Variants in NYAP2 observed in about 807,000 individuals in gnomAD.
The protein encoded by NYAP2 is neuronal tyrosine-phosphorylated phosphoinositide-3-kinase adapter 2.
In NYAP2, 23 loss-of-function variants were observed where a neutral mutation model predicts 50.4. That is an observed-to-expected ratio of 0.46 (90% CI 0.33 to 0.65). The LOEUF (loss-of-function observed/expected upper bound fraction) is 0.65. NYAP2 is among the 30% of genes least tolerant of loss of function. The pLI is 0.02. For synonymous variants in NYAP2, 394 were observed against 365.2 expected (o/e 1.08, Z -0.90); for missense variants, 885 against 861.0 (o/e 1.03, Z -0.35).
intron 3 of NYAP2, among the ~76,000 whole-genome samples, chr2:225,492,478 A>G (rs1461752441): frequency 1.3e-5 from 2 of 152,202 alleles, no homozygotes; most frequent in East Asian, 3.9e-4. Flanking sequence ...TAAACTTGTC[A>G]CATAAGAAAT....
intron 4 of NYAP2, among the ~76,000 whole-genome samples, chr2:225,522,664 C>A (rs1691086093): frequency 6.6e-6 from 1 of 152,146 alleles, no homozygotes. Flanking sequence ...GGATCCAGCT[C>A]CAGCAACAGA....
At chr2:225,615,972 G>A (rs750847347) in intron 5 of NYAP2, among the ~76,000 whole-genome samples, 1 of 152,182 alleles carries the variant, frequency 6.6e-6, no homozygotes, top group Admixed American at 6.5e-5. Flanking sequence ...AAAGAAAAAG[G>A]CTTTTTCTTT....
At chr2:225,499,405 G>A (rs934802190) in intron 3 of NYAP2, among the ~76,000 whole-genome samples, 1 of 151,600 alleles carries the variant, frequency 6.6e-6, no homozygotes, top group African/African-American at 2.4e-5. Flanking sequence ...CTCTGCCTCC[G>A]GGGTTCACGC....
intron 5 of NYAP2, among the ~76,000 whole-genome samples, chr2:225,594,281 T>C (rs1208303592): frequency 1.3e-5 from 2 of 152,154 alleles, no homozygotes; most frequent in Non-Finnish European, 2.9e-5. Context: ...CCCAGCACTT[T>C]GGAAGGCTGA....
At chr2:225,473,804 T>C (rs1017146026) in intron 3 of NYAP2, among the ~76,000 whole-genome samples, 3 of 152,228 alleles carry the variant, frequency 2.0e-5, no homozygotes, top group Non-Finnish European at 4.4e-5. Flanking sequence ...GCAGAAGCTC[T>C]TTAGTTTAGT....
rs113576577 is a variant in NYAP2 at position 225,551,865 on chromosome 2, C to G, written c.524-30076C>G. 1.8e-3 allele frequency among the ~76,000 whole-genome samples: 277 copies of G among 152,164 alleles called. 1 individual carries two copies. In the Middle Eastern group the frequency reaches 0.02, roughly 11 times the overall value. ...TTTACTCTTGTTGCCTAGGCTGGAG[C>G]GCAGTGGTGCCATCTCGGCTCACTG... On this transcript the variant is annotated intron_variant, in intron 4 of 6. Transcript: ENST00000636099.
chr2:225,488,460 G>C (rs1046718792), intron 3 of NYAP2, among the ~76,000 whole-genome samples: 1 of 152,064 alleles, frequency 6.6e-6, no homozygotes, highest in African/African-American at 2.4e-5. Context: ...TGCAACCTCT[G>C]ACTCCTGGGT....
At chr2:225,465,482 C>T (rs1272200327) in intron 3 of NYAP2, among the ~76,000 whole-genome samples, 8 of 151,958 alleles carry the variant, frequency 5.3e-5, no homozygotes, top group African/African-American at 9.7e-5. Context: ...TTTGGGAGGC[C>T]GAGGTGGGCG....
chr2:225,594,184 C>A (rs1363637517), intron 5 of NYAP2, among the ~76,000 whole-genome samples: 2 of 152,158 alleles, frequency 1.3e-5, no homozygotes, highest in African/African-American at 4.8e-5. Context: ...CAATTTCAAT[C>A]TGCTTAACTT....
chr2:225,547,782 C>T (rs1482921189), intron 4 of NYAP2, among the ~76,000 whole-genome samples: 1 of 152,186 alleles, frequency 6.6e-6, no homozygotes, highest in East Asian at 1.9e-4. Context: ...GCTATCATTG[C>T]TCACCTGATT....
chr2:225,681,826 T>C, the NYAP2 span, among the ~76,000 whole-genome samples: 7 of 152,280 alleles, frequency 4.6e-5, no homozygotes, highest in East Asian at 1.4e-3. Flanking sequence ...GGCATGTTTC[T>C]TATTCACAGA....
At chr2:225,655,723 G>A (rs1338075806), downstream of NYAP2, among the ~76,000 whole-genome samples, 1 of 152,142 alleles carries the variant, frequency 6.6e-6, no homozygotes, top group Admixed American at 6.5e-5. Context: ...TGATGCTATA[G>A]CAGCTGATGC....
chr2:225,454,943 T>C (rs1689716833), intron 3 of NYAP2, among the ~76,000 whole-genome samples: 1 of 152,072 alleles, frequency 6.6e-6, no homozygotes, highest in African/African-American at 2.4e-5. Context: ...TTTTGGGTGA[T>C]CTCAATGTAG....
At chr2:225,586,522 A>C (rs981688329) in intron 5 of NYAP2, among the ~76,000 whole-genome samples, 1 of 152,214 alleles carries the variant, frequency 6.6e-6, no homozygotes, top group Non-Finnish European at 1.5e-5. Context: ...GCATGTAAGA[A>C]GTGATCAACT....
intron 6 of NYAP2, among the ~76,000 whole-genome samples, chr2:225,628,009 C>G (rs973782985): frequency 6.6e-6 from 1 of 152,154 alleles, no homozygotes; most frequent in African/African-American, 2.4e-5. Context: ...GTCTCTCAGA[C>G]AGTCGTGCAC....
chr2:225,633,801 T>C (rs544938530), intron 6 of NYAP2, among the ~76,000 whole-genome samples: 69 of 152,346 alleles, frequency 4.5e-4, no homozygotes, highest in African/African-American at 1.6e-3. Flanking sequence ...ATGTGAAATC[T>C]CCCAACTTTT....
chr2:225,447,088 T>G (rs1689575962), intron 3 of NYAP2, among the ~76,000 whole-genome samples: 1 of 152,126 alleles, frequency 6.6e-6, no homozygotes, highest in South Asian at 2.1e-4. Context: ...TCATGATGGT[T>G]CCTCACCAGA....
At chr2:225,622,800 C>T (rs991851292) in intron 5 of NYAP2, among the ~76,000 whole-genome samples, 21 of 151,648 alleles carry the variant, frequency 1.4e-4, no homozygotes, top group African/African-American at 4.6e-4. Context: ...GGCCAGGCTG[C>T]TCTTGATCTT....
At chr2:225,662,473 T>G in the NYAP2 span, among the ~76,000 whole-genome samples, 51 of 152,350 alleles carry the variant, frequency 3.3e-4, no homozygotes, top group African/African-American at 1.2e-3. Context: ...CCAAGACGTA[T>G]TCACCAAAAT....
Sources: gnomAD v4.1 joint callset for allele counts (sites outside exome capture counted in the v4.1 genomes callset) on GRCh38, gnomAD v4.1.1 for gene constraint, MANE v1.5 for transcripts, NCBI Gene and HGNC (gene_info 2026-07-23, HGNC 2026-07-21) for gene names.